Variants in FRMD4A observed in about 807,000 individuals in gnomAD.
FRMD4A encodes FERM domain-containing protein 4A.
In FRMD4A, 29 loss-of-function variants were observed where a neutral mutation model predicts 129.1. That is an observed-to-expected ratio of 0.22 (90% CI 0.17 to 0.31). The LOEUF (loss-of-function observed/expected upper bound fraction) is 0.31, where lower values mean the gene tolerates loss of function less well. FRMD4A is among the 10% of genes least tolerant of loss of function. FRMD4A has a pLI of 1.00. For missense variants in FRMD4A, 1,272 were observed against 1,375.8 expected (o/e 0.92, Z 1.19); for synonymous variants, 634 against 571.6 (o/e 1.11, Z -1.56).
chr10:14,167,671 A>G (rs1365055973), intron 2 of FRMD4A, among the ~76,000 whole-genome samples: 2 of 152,006 alleles, frequency 1.3e-5, no homozygotes, highest in Non-Finnish European at 2.9e-5. Context: ...GCTTGGAACA[A>G]CGTAGGCAGA....
At chr10:14,016,601 G>T (rs1329128529) in intron 2 of FRMD4A, among the ~76,000 whole-genome samples, 3 of 152,278 alleles carry the variant, frequency 2.0e-5, no homozygotes, top group African/African-American at 4.8e-5. Flanking sequence ...ACCTTTGAGA[G>T]CTCCCTGTTT....
At chr10:13,693,777 A>T (rs1214159598) in intron 15 of FRMD4A, 121 bp downstream of exon 15, 2 of 1,088,756 alleles carry the variant, frequency 1.8e-6, no homozygotes, top group Non-Finnish European at 2.7e-6. Context: ...TGGAAAGCAA[A>T]GCCAGCTTTG....
intron 2 of FRMD4A, among the ~76,000 whole-genome samples, chr10:14,166,086 A>G (rs1267948845): frequency 6.6e-6 from 1 of 151,498 alleles, no homozygotes; most frequent in Non-Finnish European, 1.5e-5. Flanking sequence ...ATATTATCTT[A>G]AAAATATATA....
chr10:13,770,022 C>T (rs529777930), intron 6 of FRMD4A, among the ~76,000 whole-genome samples: 2 of 152,258 alleles, frequency 1.3e-5, no homozygotes, highest in African/African-American at 4.8e-5. Flanking sequence ...AAGTCTCTTT[C>T]TGTATATCTA....
At chr10:13,658,536 T>C (rs2082369423) in intron 21 of FRMD4A, among the ~76,000 whole-genome samples, 2 of 152,158 alleles carry the variant, frequency 1.3e-5, no homozygotes, top group Admixed American at 6.5e-5. Flanking sequence ...AGAAGGGGGA[T>C]GAAAGCCCCC....
chr10:13,870,325 A>C lies in FRMD4A; in HGVS notation c.46-11413T>G, dbSNP rs74121733. ...TCTCTGACATCGGCCTCACCTCACC[A>C]GATCCCTTTTTTTCAAATACTCTCC... is the stretch of plus-strand genomic sequence containing the variant. On this transcript the variant is annotated intron_variant, in intron 2 of 24. Coordinates refer to ENST00000357447, the MANE Select transcript of FRMD4A (RefSeq NM_018027.5). Among the ~76,000 whole-genome samples the C allele has an allele frequency of 9.6e-3, 1,470 of 152,336 alleles. 18 individuals are homozygous for C. Among genetic ancestry groups the C allele is most frequent in the African/African-American group, 0.034 (1,393 of 41,578 alleles).
At position 13,646,989 on chromosome 10, in the gene FRMD4A, G is replaced by A. The variant is rs989121993; in HGVS notation, c.*49C>T. ...TGCCCGTACCACTGGACATCAGCTA[G>A]TTCTGGATAGAGGGAGGAATCCAGG... is the stretch of plus-strand genomic sequence containing the variant. On this transcript the variant is annotated 3_prime_UTR_variant, in exon 25 of 25. Coordinates refer to ENST00000357447, the MANE Select transcript of FRMD4A (RefSeq NM_018027.5). The A allele has an allele frequency of 6.1e-6, 6 of 984,064 alleles. No individual in the cohort carries two copies. The highest frequency in any genetic ancestry group is 7.2e-6 in the Non-Finnish European group (6 of 828,288). 61.0% of individuals were successfully genotyped at this position (984,064 alleles called of 1,614,324 possible).
chr10:14,039,389 TC>T (rs954369817), intron 2 of FRMD4A, among the ~76,000 whole-genome samples: 1 of 136,930 alleles, frequency 7.3e-6, no homozygotes, highest in African/African-American at 2.8e-5. Context: ...CATCCATCCA[TC>T]CATCCATCCA....
intron 2 of FRMD4A, among the ~76,000 whole-genome samples, chr10:14,266,766 T>C (rs901288597): frequency 1.3e-5 from 2 of 152,236 alleles, no homozygotes; most frequent in Non-Finnish European, 2.9e-5. Flanking sequence ...ATTGCAAATG[T>C]AGTTTAAAGT....
At chr10:14,064,625 T>C (rs1834969025) in intron 2 of FRMD4A, among the ~76,000 whole-genome samples, 1 of 152,260 alleles carries the variant, frequency 6.6e-6, no homozygotes, top group African/African-American at 2.4e-5. Flanking sequence ...TCGTCTAGGC[T>C]GGAGTACAGT....
rs1834108246 is a variant in FRMD4A at position 14,048,835 on chromosome 10, TAGAA to T, written c.46-189927_46-189924del. Among the ~76,000 whole-genome samples, 13 of 9,320 alleles carry T rather than the reference TAGAA, an allele frequency of 1.4e-3. No individual in the cohort carries two copies. In the South Asian group the frequency reaches 0.025, roughly 18 times the overall value. The allele number at this position is 9,320 out of a possible 152,430, so 6.1% of individuals were successfully genotyped here. On this transcript the variant is annotated intron_variant, in intron 2 of 24. Transcript: ENST00000357447. Reference sequence around the variant, plus strand: ...TAAAATAGAATAGATTAGAATAGAATAGAATAGAATAGAATAGAATAGAATAGAA... The same window carrying T: ...TAAAATAGAATAGATTAGAATAGAATTAGAATAGAATAGAATAGAATAGAA...
chr10:14,052,722 C>CTG (rs1834320470), intron 2 of FRMD4A, among the ~76,000 whole-genome samples: 2 of 110,532 alleles, frequency 1.8e-5, no homozygotes, highest in South Asian at 6.2e-4. Context: ...CCATAACTGG[C>CTG]TATTTTTTTT....
chr10:13,867,236 C>T (rs2094378787), intron 2 of FRMD4A, among the ~76,000 whole-genome samples: 1 of 152,006 alleles, frequency 6.6e-6, no homozygotes, highest in Non-Finnish European at 1.5e-5. Context: ...TTCAAATATA[C>T]ACAATCATAT....
chr10:14,234,846 C>G (rs1408754671), intron 2 of FRMD4A, among the ~76,000 whole-genome samples: 2 of 152,234 alleles, frequency 1.3e-5, no homozygotes, highest in Non-Finnish European at 2.9e-5. Context: ...ACTAACAGCC[C>G]CTGTGGCTCT....
intron 6 of FRMD4A, among the ~76,000 whole-genome samples, chr10:13,779,768 A>C (rs1042723853): frequency 1.8e-4 from 26 of 141,746 alleles, no homozygotes; most frequent in African/African-American, 6.5e-4. Context: ...CCATCAATAA[A>C]CTTATGCAAA....
At chr10:14,153,380 G>C (rs941662140) in intron 2 of FRMD4A, among the ~76,000 whole-genome samples, 1 of 152,130 alleles carries the variant, frequency 6.6e-6, no homozygotes, top group Non-Finnish European at 1.5e-5. Flanking sequence ...CAAATGATGC[G>C]TGTACTCCCC....
intron 2 of FRMD4A, among the ~76,000 whole-genome samples, chr10:14,022,977 A>G (rs1832828347): frequency 6.6e-6 from 1 of 152,120 alleles, no homozygotes; most frequent in Admixed American, 6.5e-5. Flanking sequence ...ACACTTTGGC[A>G]TGCCACAGAT....
chr10:13,848,954 G>A (rs1436535048), intron 3 of FRMD4A, among the ~76,000 whole-genome samples: 1 of 152,146 alleles, frequency 6.6e-6, no homozygotes, highest in Non-Finnish European at 1.5e-5. Context: ...TTATCTGTCT[G>A]TGCTCTATAT....
chr10:14,281,444 A>G (rs992686315), intron 2 of FRMD4A, among the ~76,000 whole-genome samples: 1 of 152,308 alleles, frequency 6.6e-6, no homozygotes, highest in South Asian at 2.1e-4. Flanking sequence ...GAAGAAACCA[A>G]CCCTGCTGAT....
Sources: gnomAD v4.1 joint callset for allele counts (sites outside exome capture counted in the v4.1 genomes callset) on GRCh38, gnomAD v4.1.1 for gene constraint, MANE v1.5 for transcripts, NCBI Gene and HGNC (gene_info 2026-07-23, HGNC 2026-07-21) for gene names.